The following KHDRBS2 variants were observed in gnomAD, a reference collection of about 807,000 sequenced individuals.
The protein encoded by KHDRBS2 is KH RNA binding domain containing, signal transduction associated 2.
Under a neutral mutation model 44.3 loss-of-function variants are expected in KHDRBS2, and 26 were observed. The observed-to-expected ratio is 0.59, with a 90% CI of 0.43 to 0.81. The LOEUF is 0.81. Among genes scored for constraint, KHDRBS2 ranks in the 40% least tolerant of loss-of-function variants. The probability of loss-of-function intolerance (pLI) is 0.00; values close to 1 mark genes in which losing one functional copy is unlikely to be tolerated. For synonymous variants in KHDRBS2, 194 were observed against 151.1 expected (o/e 1.28, Z -2.08); for missense variants, 476 against 433.1 (o/e 1.10, Z -0.88).
chr6:62,225,575 G>C (rs1337603021), intron 1 of KHDRBS2, among the ~76,000 whole-genome samples: 1 of 152,056 alleles, frequency 6.6e-6, no homozygotes, highest in Non-Finnish European at 1.5e-5. Flanking sequence ...GAACATGTAG[G>C]GTTGTTACAT....
chr6:61,658,464 GT>G, the KHDRBS2 span, among the ~76,000 whole-genome samples: 6 of 151,800 alleles, frequency 4.0e-5, no homozygotes, highest in African/African-American at 1.4e-4. Context: ...CTAAAGCCAT[GT>G]TTTTATATCC....
intron 1 of KHDRBS2, among the ~76,000 whole-genome samples, chr6:62,250,739 C>A (rs967556855): frequency 6.6e-6 from 1 of 151,682 alleles, no homozygotes; most frequent in Admixed American, 6.6e-5. Flanking sequence ...GGTATTGAAG[C>A]GTCTCATCAC....
the KHDRBS2 span, among the ~76,000 whole-genome samples, chr6:61,591,054 A>G: frequency 1.3e-5 from 2 of 152,200 alleles, no homozygotes; most frequent in African/African-American, 4.8e-5. Context: ...GACATATGGG[A>G]AGCCAGAACA....
chr6:61,798,263 T>C (rs1785704241), intron 6 of KHDRBS2, among the ~76,000 whole-genome samples: 2 of 152,136 alleles, frequency 1.3e-5, no homozygotes, highest in Non-Finnish European at 1.5e-5. Context: ...TAGTTCATTC[T>C]GCATATGAGT....
intron 2 of KHDRBS2, among the ~76,000 whole-genome samples, chr6:62,069,830 G>C (rs1794570543): frequency 6.6e-6 from 1 of 151,714 alleles, no homozygotes; most frequent in Non-Finnish European, 1.5e-5. Context: ...TGGTATCATG[G>C]TCTGTGTTTA....
intron 1 of KHDRBS2, among the ~76,000 whole-genome samples, chr6:62,236,506 G>C (rs176616): frequency 6.6e-6 from 1 of 151,392 alleles, no homozygotes; most frequent in African/African-American, 2.4e-5. Context: ...TTTGAGAATG[G>C]GGAGCATCAA....
intron 3 of KHDRBS2, among the ~76,000 whole-genome samples, chr6:62,033,527 G>T (rs751813476): frequency 1.3e-5 from 2 of 151,620 alleles, no homozygotes; most frequent in African/African-American, 4.8e-5. Context: ...CTTTTCAGTG[G>T]GAATCATACA....
At chr6:62,199,276 T>C (rs1474881753) in intron 1 of KHDRBS2, among the ~76,000 whole-genome samples, 1 of 152,034 alleles carries the variant, frequency 6.6e-6, no homozygotes, top group African/African-American at 2.4e-5. Flanking sequence ...GTCATTCAAT[T>C]AGGAAAAAAG....
At chr6:61,839,790 G>C (rs539260443) in intron 6 of KHDRBS2, among the ~76,000 whole-genome samples, 1 of 152,174 alleles carries the variant, frequency 6.6e-6, no homozygotes, top group East Asian at 1.9e-4. Flanking sequence ...TGCCTGAACA[G>C]AGAAAGAATA....
the KHDRBS2 span, among the ~76,000 whole-genome samples, chr6:61,657,568 A>G: frequency 1.3e-5 from 2 of 151,908 alleles, no homozygotes; most frequent in African/African-American, 2.4e-5. Flanking sequence ...ACCCCAAACC[A>G]AAACAGTGAC....
At chr6:61,617,341 C>G in the KHDRBS2 span, among the ~76,000 whole-genome samples, 1 of 152,098 alleles carries the variant, frequency 6.6e-6, no homozygotes, top group Non-Finnish European at 1.5e-5. Flanking sequence ...CTCTGGGTAA[C>G]AATTTTGAAG....
At chr6:61,628,452 G>A in the KHDRBS2 span, among the ~76,000 whole-genome samples, 1 of 152,038 alleles carries the variant, frequency 6.6e-6, no homozygotes, top group African/African-American at 2.4e-5. Context: ...AAACTCCGCA[G>A]CTGCAGGGGA....
At chr6:62,244,850 G>A (rs1248574651) in intron 1 of KHDRBS2, among the ~76,000 whole-genome samples, 5 of 152,006 alleles carry the variant, frequency 3.3e-5, no homozygotes, top group South Asian at 4.2e-4. Flanking sequence ...ATCTGCAGAC[G>A]TTTGTGATTT....
chr6:61,622,252 G>A, the KHDRBS2 span, among the ~76,000 whole-genome samples: 1 of 152,186 alleles, frequency 6.6e-6, no homozygotes, highest in African/African-American at 2.4e-5. Flanking sequence ...ATTTCCCTAT[G>A]TGTGAGGACA....
the KHDRBS2 span, among the ~76,000 whole-genome samples, chr6:61,556,601 G>A: frequency 1.3e-5 from 2 of 151,876 alleles, no homozygotes; most frequent in Admixed American, 6.6e-5. Flanking sequence ...ATGGAGTTTA[G>A]CCAAAAAAGA....
chr6:61,723,754 A>G (rs1562035637), intron 7 of KHDRBS2, among the ~76,000 whole-genome samples: 1 of 152,194 alleles, frequency 6.6e-6, no homozygotes, highest in Non-Finnish European at 1.5e-5. Flanking sequence ...GAAATAAGAT[A>G]GGCATACAAG....
rs184625079 is a variant in KHDRBS2, at chr6:62,071,516, T to G, written c.220-23522A>C. On this transcript the variant is annotated intron_variant, in intron 2 of 8. Coordinates refer to ENST00000281156, the MANE Select transcript of KHDRBS2 (RefSeq NM_152688.4). ...TTAATCCATCTCGAATTAATTTTTG[T>G]ACAACTTGTAAGGAAGAGATCCAGT... 7.7e-4 allele frequency among the ~76,000 whole-genome samples: 118 copies of G among 152,338 alleles called. 1 individual carries two copies. Among genetic ancestry groups the G allele is most frequent in the Non-Finnish European group, 1.2e-3 (82 of 68,024 alleles).
chr6:61,602,072 G>A, the KHDRBS2 span, among the ~76,000 whole-genome samples: 1 of 152,070 alleles, frequency 6.6e-6, no homozygotes, highest in African/African-American at 2.4e-5. Flanking sequence ...ACCCTAAAAG[G>A]TCAAAAGGCC....
intron 2 of KHDRBS2, among the ~76,000 whole-genome samples, chr6:62,101,173 T>A (rs1390990085): frequency 1.3e-5 from 2 of 152,160 alleles, no homozygotes; most frequent in African/African-American, 4.8e-5. Flanking sequence ...AATCTAGGCT[T>A]GCACAATCAA....
Sources: allele counts gnomAD v4.1 joint callset (sites outside exome capture counted in the v4.1 genomes callset), GRCh38; gene constraint gnomAD v4.1.1; transcripts MANE v1.5; gene names NCBI Gene and HGNC (gene_info 2026-07-23, HGNC 2026-07-21).